The following DIAPH3 variants were observed in gnomAD, a reference collection of about 807,000 sequenced individuals.
DIAPH3 encodes the protein diaphanous related formin 3.
In DIAPH3, 117 loss-of-function variants were observed where a neutral mutation model predicts 144.3. The observed-to-expected ratio is 0.81, with a 90% confidence interval of 0.70 to 0.95. The LOEUF is 0.95. Among genes scored for constraint, DIAPH3 ranks in the 40% least tolerant of loss-of-function variants. The probability of loss-of-function intolerance (pLI) is 0.00; values close to 1 mark genes in which losing one functional copy is unlikely to be tolerated. For missense variants in DIAPH3, 1,421 were observed against 1,412.7 expected (o/e 1.01, Z -0.09); for synonymous variants, 519 against 488.9 (o/e 1.06, Z -0.81).
In DIAPH3 at chr13:60,065,135, T is replaced by C. The variant is rs577876484; in HGVS notation, c.496-22315A>G. The stretch of plus-strand genomic sequence containing the variant: ...ACAAATAATGGAAAAGTTTGAAATA[T>C]TGCAAGAACTACCAAATACCAAAAT... On this transcript the variant is annotated intron_variant, in intron 4 of 27. Transcript: ENST00000400324. Among the ~76,000 whole-genome samples the C allele has an allele frequency of 4.6e-5, 7 of 151,842 alleles. No individual in the cohort carries two copies. In the East Asian group the frequency reaches 9.7e-4, roughly 21 times the overall value.
chr13:60,102,059 G>T (rs1009764636), intron 3 of DIAPH3, among the ~76,000 whole-genome samples: 2 of 152,074 alleles, frequency 1.3e-5, no homozygotes, highest in Admixed American at 6.5e-5. Context: ...TATATGAAAA[G>T]AAAGCTATAA....
chr13:59,814,999 G>A (rs933913521), intron 24 of DIAPH3, among the ~76,000 whole-genome samples: 7 of 152,100 alleles, frequency 4.6e-5, no homozygotes, highest in African/African-American at 1.7e-4. Flanking sequence ...CATCTATGTT[G>A]TTGCAAATGA....
At chr13:59,839,162 A>T (rs988392262) in intron 23 of DIAPH3, 162 bp downstream of exon 23, 1 of 683,770 alleles carries the variant, frequency 1.5e-6, no homozygotes, top group African/African-American at 1.8e-5. Context: ...TTCATGATTG[A>T]CAGACACTTT....
chr13:59,977,400 T>C (rs895257841), intron 14 of DIAPH3, among the ~76,000 whole-genome samples: 2 of 151,774 alleles, frequency 1.3e-5, no homozygotes, highest in African/African-American at 2.4e-5. Context: ...AAGCCAGAGA[T>C]GAACACAGAA....
intron 18 of DIAPH3, among the ~76,000 whole-genome samples, chr13:59,923,926 A>C (rs934091858): frequency 6.6e-6 from 1 of 152,204 alleles, no homozygotes; most frequent in Non-Finnish European, 1.5e-5. Flanking sequence ...CTCTCTCTTT[A>C]ATCAGTAGCA....
At position 59,864,407 on chromosome 13, in the gene DIAPH3, C is replaced by A. The variant is rs920249887; in HGVS notation, c.2608-2871G>T. Among the ~76,000 whole-genome samples the A allele has an allele frequency of 3.9e-5, 6 of 152,058 alleles. No homozygotes were observed. The East Asian group carries it at 1.2e-3, about 29-fold the overall frequency. ...GACTACTTGGGGAACACTGTTCCTA[C>A]TCTGAATTCTCGGCAACCCATTTTT... On this transcript the variant is annotated intron_variant, in intron 21 of 27. Transcript: ENST00000400324.
At chr13:60,159,023 G>T (rs1331404240) in intron 1 of DIAPH3, among the ~76,000 whole-genome samples, 1 of 146,860 alleles carries the variant, frequency 6.8e-6, no homozygotes, top group Non-Finnish European at 1.5e-5. Flanking sequence ...GAAGATCATT[G>T]TTCGGCCTAC....
At chr13:59,925,613 G>A (rs1292049230) in intron 17 of DIAPH3, among the ~76,000 whole-genome samples, 1 of 152,130 alleles carries the variant, frequency 6.6e-6, no homozygotes, top group African/African-American at 2.4e-5. Flanking sequence ...TTTTGGAATA[G>A]TTTGAAAGGA....
intron 17 of DIAPH3, among the ~76,000 whole-genome samples, chr13:59,959,883 G>A (rs1235857489): frequency 6.6e-6 from 1 of 152,188 alleles, no homozygotes; most frequent in East Asian, 1.9e-4. Context: ...GATTCTTCCT[G>A]TCTCTAGCTA....
intron 22 of DIAPH3, among the ~76,000 whole-genome samples, chr13:59,849,945 C>A (rs2139843011): frequency 6.8e-6 from 1 of 146,938 alleles, no homozygotes; most frequent in South Asian, 2.2e-4. Context: ...TCTTCCTACC[C>A]ATGAGCATGG....
At chr13:60,128,370 T>C (rs1005434269) in intron 2 of DIAPH3, among the ~76,000 whole-genome samples, 1 of 152,242 alleles carries the variant, frequency 6.6e-6, no homozygotes, top group East Asian at 1.9e-4. Context: ...GCAATGACCA[T>C]ACGTGTACAT....
At chr13:60,048,226 G>T (rs2056176900) in intron 4 of DIAPH3, among the ~76,000 whole-genome samples, 2 of 152,194 alleles carry the variant, frequency 1.3e-5, no homozygotes, top group African/African-American at 4.8e-5. Context: ...AATGGGATGG[G>T]TAAAGAGCAA....
chr13:59,915,733 A>C (rs1467494095), intron 19 of DIAPH3, among the ~76,000 whole-genome samples: 1 of 152,096 alleles, frequency 6.6e-6, no homozygotes, highest in Non-Finnish European at 1.5e-5. Flanking sequence ...AAATGACTCT[A>C]AGAAGAATTG....
Position 60,104,696 on chromosome 13 carries a change from C to T in DIAPH3, c.390+7314G>A, listed in dbSNP as rs947432135. 2.6e-5 allele frequency among the ~76,000 whole-genome samples: 4 copies of T among 152,134 alleles called. No individual in the cohort carries two copies. In the East Asian group the frequency reaches 5.8e-4, roughly 22 times the overall value. On this transcript the variant is annotated intron_variant, in intron 3 of 27. Transcript: ENST00000400324. ...GCTGAATATTCAGAAAGCTGCACAA[C>T]TCTAATTTATTCTGGAATGTAACCT... is the stretch of plus-strand genomic sequence containing the variant.
chr13:60,055,826 A>C (rs772973261), intron 4 of DIAPH3, among the ~76,000 whole-genome samples: 5 of 151,918 alleles, frequency 3.3e-5, no homozygotes, highest in Non-Finnish European at 2.9e-5. Flanking sequence ...GGTGGATGGG[A>C]ATATGGTAGA....
At chr13:60,147,560 G>A (rs1951588257) in intron 1 of DIAPH3, among the ~76,000 whole-genome samples, 1 of 152,102 alleles carries the variant, frequency 6.6e-6, no homozygotes, top group South Asian at 2.1e-4. Flanking sequence ...AACACCTCAG[G>A]GTCCAGATTT....
intron 1 of DIAPH3, among the ~76,000 whole-genome samples, chr13:60,141,296 G>A (rs1308465033): frequency 6.6e-6 from 1 of 150,962 alleles, no homozygotes; most frequent in Non-Finnish European, 1.5e-5. Context: ...TTTTAAGCAA[G>A]ACCTAGTCTC....
intron 18 of DIAPH3, among the ~76,000 whole-genome samples, chr13:59,921,274 C>CAAA (rs778984590): frequency 1.7e-5 from 2 of 119,038 alleles, no homozygotes; most frequent in African/African-American, 6.1e-5. Flanking sequence ...CAGAAAATAC[C>CAAA]AAAAAAAAAA....
chr13:59,739,165 T>C (rs1023666060), intron 27 of DIAPH3, among the ~76,000 whole-genome samples: 4 of 152,190 alleles, frequency 2.6e-5, no homozygotes, highest in Admixed American at 6.5e-5. Context: ...GTAAAGGGAT[T>C]TGAAGGTTTG....
Sources: allele counts gnomAD v4.1 joint callset (sites outside exome capture counted in the v4.1 genomes callset), GRCh38; gene constraint gnomAD v4.1.1; transcripts MANE v1.5; gene names NCBI Gene and HGNC (gene_info 2026-07-23, HGNC 2026-07-21).